Variants in FGFR2 observed in about 807,000 individuals in gnomAD.
The protein encoded by FGFR2 is BEK fibroblast growth factor receptor.
FGFR2 carries 19 observed loss-of-function variants against 95.9 expected under a neutral mutation model. The observed-to-expected ratio is 0.20, with a 90% CI of 0.14 to 0.29. The LOEUF (loss-of-function observed/expected upper bound fraction) is 0.29, where lower values mean the gene tolerates loss of function less well. Ranked by LOEUF, FGFR2 falls within the 10% of genes least tolerant of loss-of-function variation. The pLI, the probability that FGFR2 is intolerant of heterozygous loss-of-function variation, is 1.00. For missense variants in FGFR2, 707 were observed against 1,056.9 expected (o/e 0.67, Z 4.59); for synonymous variants, 392 against 393.3 (o/e 1.00, Z 0.04).
intron 2 of FGFR2, among the ~76,000 whole-genome samples, chr10:121,576,133 G>A (rs760944668): frequency 2.0e-5 from 3 of 152,192 alleles, no homozygotes; most frequent in African/African-American, 4.8e-5. Context: ...GTTGCCGTGA[G>A]CCGAGATCAC....
chr10:121,496,620 C>G lies in FGFR2; in HGVS notation c.1775G>C (p.Arg592Pro), dbSNP rs768761510. The G allele has an allele frequency of 6.2e-7, 1 of 1,612,958 alleles. No individual in the cohort carries two copies. Among genetic ancestry groups the G allele is most frequent in the Non-Finnish European group, 8.5e-7 (1 of 1,179,968 alleles). The change falls in exon 13 of 18, where the codon CGT (arginine) becomes CCT (proline). Residue 592 changes from arginine (R) to proline (P), a missense_variant. By Grantham distance (103) the Arg-to-Pro change is moderately radical. This residue lies in a region of FGFR2 where 37 missense variants were observed against 34.1 expected (regional missense o/e 1.09). Transcript: ENST00000358487. ...GAAGGTCATCTGCTCCTCAGGAACA[C>G]GGTTAATGTCATAGGAGTACTCCAT... The part of the protein sequence containing the change: ...PGMEYSYDIN[R>P]VPEEQMTFKD...
chr10:121,548,274 T>TTTTTTTTTTTTTTTTTA (rs1854849006), intron 5 of FGFR2, among the ~76,000 whole-genome samples: 1 of 97,722 alleles, frequency 1.0e-5, no homozygotes, highest in Non-Finnish European at 2.0e-5. Context: ...TTTTTTTTTT[T>TTTTTTTTTTTTTTTTTA]TTTTTGGTAA....
chr10:121,543,011 T>C (rs1051394092), intron 5 of FGFR2, among the ~76,000 whole-genome samples: 3 of 152,192 alleles, frequency 2.0e-5, no homozygotes, highest in South Asian at 2.1e-4. Flanking sequence ...AGAATAAACA[T>C]GCAGAAGGTG....
chr10:121,570,205 C>T (rs1858418645), intron 2 of FGFR2, among the ~76,000 whole-genome samples: 1 of 152,242 alleles, frequency 6.6e-6, no homozygotes, highest in South Asian at 2.1e-4. Context: ...GTCCTTGGGT[C>T]CATTTGCCGT....
intron 2 of FGFR2, among the ~76,000 whole-genome samples, chr10:121,586,009 T>C (rs1338696192): frequency 3.9e-5 from 6 of 152,214 alleles, no homozygotes; most frequent in East Asian, 1.9e-4. Flanking sequence ...TGCAATGATC[T>C]TGACATTCAT....
intron 6 of FGFR2, among the ~76,000 whole-genome samples, chr10:121,533,159 C>A (rs143374743): frequency 3.3e-5 from 5 of 152,180 alleles, no homozygotes; most frequent in African/African-American, 1.2e-4. Context: ...GAGGCCGAGG[C>A]GGGCGGATCA....
rs149091150 is a variant in FGFR2, at chr10:121,528,962, T to G, written c.749-8793A>C. Among the ~76,000 whole-genome samples the G allele has an allele frequency of 7.0e-3, 1,063 of 152,336 alleles. 4 individuals are homozygous for G. Among genetic ancestry groups the G allele is most frequent in the Middle Eastern group, 0.014 (4 of 294 alleles). ...TTTATTTTGAGATGGAGTCTCGCTC[T>G]GTTGCCCAGGCTGGAGTGCAATGGC... On this transcript the variant is annotated intron_variant, in intron 6 of 17. Transcript: ENST00000358487.
At position 121,482,172 on chromosome 10, in the gene FGFR2, T is replaced by C. The variant is rs189179463; in HGVS notation, c.2301+1526A>G. 5.3e-5 allele frequency: 85 copies of C among 1,612,968 alleles called. No homozygotes were observed. The African/African-American group carries it at 8.9e-4, about 17-fold the overall frequency. On this transcript the variant is annotated intron_variant, in intron 17 of 17. Coordinates refer to ENST00000358487, the MANE Select transcript of FGFR2 (RefSeq NM_000141.5). Reference sequence around the variant, plus strand: ...AGTTTCTCAATGAAGCCATAAACTTTCAGATCTGATAGGAAAAAAACAGGG... The same window carrying C: ...AGTTTCTCAATGAAGCCATAAACTTCCAGATCTGATAGGAAAAAAACAGGG...
At chr10:121,567,298 C>T (rs1294060587) in intron 2 of FGFR2, among the ~76,000 whole-genome samples, 6 of 152,182 alleles carry the variant, frequency 3.9e-5, no homozygotes, top group African/African-American at 1.4e-4. Context: ...CAAAGGCATG[C>T]ATGCCAAGCC....
chr10:121,512,620 C>T (rs778779668), intron 9 of FGFR2, among the ~76,000 whole-genome samples: 1 of 151,906 alleles, frequency 6.6e-6, no homozygotes, highest in Non-Finnish European at 1.5e-5. Flanking sequence ...GTCTTGAACT[C>T]CTGGGTTCAA....
chr10:121,487,841 T>G, intron 14 of FGFR2, 150 bp downstream of exon 14: 2 of 955,246 alleles, frequency 2.1e-6, no homozygotes, highest in African/African-American at 3.3e-5. Context: ...ATTGAGAGTT[T>G]GTGAATAGTA....
intron 4 of FGFR2, among the ~76,000 whole-genome samples, chr10:121,558,356 T>C (rs1856476163): frequency 6.6e-6 from 1 of 152,230 alleles, no homozygotes; most frequent in South Asian, 2.1e-4. Flanking sequence ...AGAAAATGTG[T>C]TGCACCGAGG....
chr10:121,556,542 G>A (rs2134953142), intron 4 of FGFR2, among the ~76,000 whole-genome samples: 1 of 152,124 alleles, frequency 6.6e-6, no homozygotes, highest in South Asian at 2.1e-4. Context: ...CCCAACGACT[G>A]ATGATATCAA....
Position 121,505,746 on chromosome 10 carries a change from T to C in FGFR2, c.1288-1805A>G, listed in dbSNP as rs113505957. On this transcript the variant is annotated intron_variant, in intron 9 of 17. Coordinates refer to ENST00000358487, the MANE Select transcript of FGFR2 (RefSeq NM_000141.5). ...GAGCTAACCTCGTCTGCGGGACACA[T>C]CAGAAGCCAGGAACTTTCAGAGAAC... Among the ~76,000 whole-genome samples the C allele has an allele frequency of 7.5e-3, 1,135 of 152,190 alleles. 15 individuals are homozygous for C. The highest frequency in any genetic ancestry group is 0.026 in the African/African-American group (1,086 of 41,536).
intron 2 of FGFR2, among the ~76,000 whole-genome samples, chr10:121,576,193 A>C (rs1564723338): frequency 2.6e-5 from 4 of 152,198 alleles, no homozygotes; most frequent in Admixed American, 6.5e-5. Flanking sequence ...GTCTCAAAAA[A>C]TAAATAAATA....
Position 121,518,910 on chromosome 10 carries a change from G to GC in FGFR2, c.939+1068dup. 6.5e-7 allele frequency: 1 copy of GC among 1,545,670 alleles called. No individual in the cohort carries two copies. The highest frequency in any genetic ancestry group is 8.9e-7 in the Non-Finnish European group (1 of 1,120,090). On this transcript the variant is annotated intron_variant, in intron 7 of 17. Coordinates refer to ENST00000358487, the MANE Select transcript of FGFR2 (RefSeq NM_000141.5). This position sits in a 1 kb window ranked among gnomAD's most constrained non-coding sequence, Gnocchi z 4.0. ...TCTATGGTCCCACCACCAACACACC[G>GC]CAAGAAAACAAACTCCATTACGTCT...
In FGFR2 at chr10:121,551,394, T is replaced by A. The variant is rs2134837260; in HGVS notation, c.520A>T (p.Thr174Ser). 1 of 1,614,156 alleles carries A rather than the reference T, an allele frequency of 6.2e-7. No individual in the cohort carries two copies. Among genetic ancestry groups the A allele is most frequent in the Non-Finnish European group, 8.5e-7 (1 of 1,180,036 alleles). ...CCGGCTGGGCAGCGAAACTTGACAG[T>A]GTTGGCCGCAGGCACAGCATGGAGC... ...KRLHAVPAAN[T>S]VKFRCPAGGN... Residue 174 changes from threonine to serine, a missense_variant, in exon 5 of 18, where the codon ACT becomes TCT. Coordinates refer to ENST00000358487, the MANE Select transcript of FGFR2 (RefSeq NM_000141.5).
chr10:121,503,846 T>A lies in FGFR2; in HGVS notation c.1383A>T (p.Ala461=), dbSNP rs2134057508. ...LSSTADTPML[A]GVSEYELPED... is the part of the protein sequence containing the mutation. ...CTGGAAGTTCATACTCGGAGACCCC[T>A]GCCAGCATGGGGGTGTCTGCCGTTG... is the stretch of plus-strand genomic sequence containing the variant. Residue 461 remains alanine (A), a synonymous_variant, in exon 10 of 18, where the codon GCA becomes GCT. Transcript: ENST00000358487. The A allele has an allele frequency of 1.9e-6, 3 of 1,614,164 alleles. No homozygotes were observed. Among genetic ancestry groups the A allele is most frequent in the Non-Finnish European group, 2.5e-6 (3 of 1,180,012 alleles).
At chr10:121,506,714 A>C (rs750300594) in intron 9 of FGFR2, among the ~76,000 whole-genome samples, 1 of 152,190 alleles carries the variant, frequency 6.6e-6, no homozygotes, top group Non-Finnish European at 1.5e-5. Context: ...TGTGAGAACA[A>C]GGGCACTTAA....
Sources: gnomAD v4.1 joint callset for allele counts (sites outside exome capture counted in the v4.1 genomes callset) on GRCh38, gnomAD v4.1.1 for gene constraint, gnomAD v4.1.1 regional missense constraint, Gnocchi (gnomAD v3.1) non-coding constraint, MANE v1.5 for transcripts, NCBI Gene and HGNC (gene_info 2026-07-23, HGNC 2026-07-21) for gene names.